The following MCUR1 variants were observed in gnomAD, a reference collection of about 807,000 sequenced individuals.
The protein encoded by MCUR1 is MCU regulator 1.
Under a neutral mutation model 42.0 loss-of-function variants are expected in MCUR1, and 37 were observed. The ratio of observed to expected loss-of-function variants is 0.88; its 90% CI spans 0.68 to 1.16. MCUR1 has a LOEUF of 1.16. Among genes scored for constraint, MCUR1 ranks in the 50% most tolerant of loss-of-function variants. MCUR1 has a pLI of 0.00. For missense variants in MCUR1, 469 were observed against 468.4 expected (o/e 1.00, Z -0.01); for synonymous variants, 229 against 196.2 (o/e 1.17, Z -1.40).
At chr6:13,809,148 C>T (rs1760175276) in intron 1 of MCUR1, among the ~76,000 whole-genome samples, 1 of 152,128 alleles carries the variant, frequency 6.6e-6, no homozygotes, top group Admixed American at 6.6e-5. Context: ...TACAAGAAAA[C>T]CACTTGGGAT....
At chr6:13,801,250 T>C (rs769473612) in intron 4 of MCUR1, 38 bp downstream of exon 4, 1 of 1,318,048 alleles carries the variant, frequency 7.6e-7, no homozygotes, top group South Asian at 1.2e-5. Flanking sequence ...AATGTCTTAA[T>C]ATAATCAACT....
At chr6:13,798,988 C>T in intron 5 of MCUR1, 84 bp from the exon 6 acceptor site, 1 of 791,156 alleles carries the variant, frequency 1.3e-6, no homozygotes, top group East Asian at 2.6e-5. Context: ...GGGACCACTG[C>T]CCCCACTGTC....
rs1186585285 is a variant in MCUR1 at position 13,788,752 on chromosome 6, G to A, written c.*2057C>T. On this transcript the variant is annotated 3_prime_UTR_variant, in exon 9 of 9. Coordinates refer to ENST00000379170, the MANE Select transcript of MCUR1 (RefSeq NM_001031713.4). ...ATAAAATATTTTATTAATCAGTTAA[G>A]AATTTTTGATCTACTTGAAAAAGAT... The A allele has an allele frequency of 6.6e-6, 1 of 152,228 alleles. No individual in the cohort carries two copies. The highest frequency in any genetic ancestry group is 2.4e-5 in the African/African-American group (1 of 41,538). The allele number at this position is 152,228 out of a possible 1,614,324, so 9.4% of individuals were successfully genotyped here.
intron 2 of MCUR1, among the ~76,000 whole-genome samples, chr6:13,805,133 A>G (rs150013756): frequency 1.2e-4 from 18 of 151,698 alleles, no homozygotes; most frequent in African/African-American, 4.3e-4. Flanking sequence ...AATCAAGAAA[A>G]CTAGGAAGAC....
At chr6:13,801,800 C>G (rs1759996797) in intron 3 of MCUR1, among the ~76,000 whole-genome samples, 1 of 152,088 alleles carries the variant, frequency 6.6e-6, no homozygotes, top group Non-Finnish European at 1.5e-5. Flanking sequence ...CTGCAGTGAG[C>G]TGAGACTGCA....
At chr6:13,806,649 G>A (rs1760117387) in intron 2 of MCUR1, among the ~76,000 whole-genome samples, 1 of 152,192 alleles carries the variant, frequency 6.6e-6, no homozygotes, top group African/African-American at 2.4e-5. Flanking sequence ...AAATCAGCCA[G>A]ACATGGTGGT....
chr6:13,803,992 A>T (rs1410049542), intron 2 of MCUR1: 20 of 966,894 alleles, frequency 2.1e-5, no homozygotes, highest in Non-Finnish European at 2.5e-5. Flanking sequence ...ATTTTAAAAA[A>T]TTTTAATTAA....
At chr6:13,811,569 G>C (rs1236322622) in intron 1 of MCUR1, among the ~76,000 whole-genome samples, 1 of 152,056 alleles carries the variant, frequency 6.6e-6, no homozygotes, top group African/African-American at 2.4e-5. Flanking sequence ...AAGAGACCTA[G>C]CCTGAGAAAC....
At position 13,800,349 on chromosome 6, in the gene MCUR1, G is replaced by T; in HGVS notation, c.775C>A (p.Gln259Lys). 6.4e-7 allele frequency: 1 copy of T among 1,572,648 alleles called. No individual in the cohort carries two copies. Among genetic ancestry groups the T allele is most frequent in the Non-Finnish European group, 8.7e-7 (1 of 1,153,566 alleles). ...IKLELHQLKQ[Q>K]VMDEVIKVRT... The stretch of plus-strand genomic sequence containing the variant: ...AGGAAAGTGAATCTTACCATTACTT[G>T]TTGTTTTAACTGATGTAGTTCGAGT... Residue 259 changes from glutamine (Q) to lysine (K), a missense_variant, in exon 5 of 9, where the codon CAA (glutamine) becomes AAA (lysine). Transcript: ENST00000379170.
chr6:13,807,664 CAT>C (rs1437545575), intron 1 of MCUR1, among the ~76,000 whole-genome samples: 1 of 152,178 alleles, frequency 6.6e-6, no homozygotes, highest in African/African-American at 2.4e-5. Flanking sequence ...ATTGCTGGAT[CAT>C]ATGATAACTC....
chr6:13,811,030 A>C (rs757097327), intron 1 of MCUR1, among the ~76,000 whole-genome samples: 19 of 152,270 alleles, frequency 1.2e-4, no homozygotes, highest in Non-Finnish European at 2.1e-4. Flanking sequence ...CAATCGTTAA[A>C]CTTTAAGCAT....
chr6:13,802,079 G>T (rs978217295), intron 3 of MCUR1, among the ~76,000 whole-genome samples, 164 bp downstream of exon 3: 12 of 152,142 alleles, frequency 7.9e-5, no homozygotes, highest in African/African-American at 2.9e-4. Flanking sequence ...ATAGTTCTGA[G>T]TAAGTATTTT....
chr6:13,809,558 G>T (rs910304407), intron 1 of MCUR1, among the ~76,000 whole-genome samples: 7 of 151,782 alleles, frequency 4.6e-5, no homozygotes, highest in African/African-American at 1.7e-4. Context: ...ATAGTATATG[G>T]TACAGTTGGC....
At chr6:13,795,490 A>G (rs550034585) in intron 6 of MCUR1, among the ~76,000 whole-genome samples, 14 of 152,360 alleles carry the variant, frequency 9.2e-5, no homozygotes, top group African/African-American at 3.1e-4. Context: ...TTTGCAATTT[A>G]ATATTTAACA....
At chr6:13,804,790 C>CAAA (rs971958696) in intron 2 of MCUR1, among the ~76,000 whole-genome samples, 88 of 50,342 alleles carry the variant, frequency 1.7e-3, no homozygotes, top group African/African-American at 6.0e-3. Flanking sequence ...ACTCTGTCTC[C>CAAA]AAAAAAAAAA....
intron 2 of MCUR1, among the ~76,000 whole-genome samples, 196 bp from the exon 3 acceptor site, chr6:13,802,542 C>T (rs1441658563): frequency 6.6e-6 from 1 of 152,130 alleles, no homozygotes; most frequent in Non-Finnish European, 1.5e-5. Flanking sequence ...AGTTGGCTTC[C>T]CCAGGTACCG....
rs752726115 is a variant in MCUR1, at chr6:13,814,415, C to T, written c.15G>A (p.Ser5=). The change falls in exon 1 of 9, where the codon TCG becomes TCA. Residue 5 remains serine (S), a synonymous_variant. Transcript: ENST00000379170. MDCG[S]VGGQRTQRLP... is the part of the protein sequence containing the mutation. ...GGCGCTGGGTCCTCTGGCCGCCGAC[C>T]GAGCCGCAGTCCATCCCCGAGCAGT... 11 of 1,538,896 alleles carry T rather than the reference C, an allele frequency of 7.1e-6. No homozygotes were observed. The East Asian group carries it at 2.3e-4, about 32-fold the overall frequency.
At position 13,802,225 on chromosome 6, in the gene MCUR1, C is replaced by G. The variant is rs1187817107; in HGVS notation, c.639+18G>C. The G allele has an allele frequency of 6.2e-7, 1 of 1,607,648 alleles. No homozygotes were observed. Reference sequence around the variant, plus strand: ...ATCTTCACAGTCCTAATTTGCTAAACCACCCAACAAGGCTAACCTGCTGCA... The same window carrying G: ...ATCTTCACAGTCCTAATTTGCTAAAGCACCCAACAAGGCTAACCTGCTGCA... On this transcript the variant is annotated intron_variant, in intron 3 of 8. Coordinates refer to ENST00000379170, the MANE Select transcript of MCUR1 (RefSeq NM_001031713.4).
rs774789953 is a variant in MCUR1 at position 13,802,306 on chromosome 6, C to T, written c.576G>A (p.Leu192=). ...TQQAEIIVSA[L]VKILEANMDI... ...CCATGTTGGCCTCCAGGATCTTGAC[C>T]AATGCAGACACAATGATTTCTGCTT... Residue 192 remains leucine, a synonymous_variant, in exon 3 of 9, where the codon TTG becomes TTA. Coordinates refer to ENST00000379170, the MANE Select transcript of MCUR1 (RefSeq NM_001031713.4). The T allele has an allele frequency of 6.2e-7, 1 of 1,613,748 alleles. No homozygotes were observed. The highest frequency in any genetic ancestry group is 8.5e-7 in the Non-Finnish European group (1 of 1,179,814).
Sources: allele counts gnomAD v4.1 joint callset (sites outside exome capture counted in the v4.1 genomes callset), GRCh38; gene constraint gnomAD v4.1.1; transcripts MANE v1.5; gene names NCBI Gene and HGNC (gene_info 2026-07-23, HGNC 2026-07-21).